PPM1E: variants seen among roughly 807,000 people sequenced by gnomAD.
PPM1E encodes protein phosphatase, Mg2+/Mn2+ dependent 1E, also known as protein phosphatase 1E.
In PPM1E, 20 loss-of-function variants were observed where a neutral mutation model predicts 65.9. The ratio of observed to expected loss-of-function variants is 0.30; its 90% confidence interval spans 0.21 to 0.44. PPM1E has a LOEUF of 0.44. PPM1E is among the 20% of genes least tolerant of loss of function. The pLI, the probability that PPM1E is intolerant of heterozygous loss-of-function variation, is 1.00. For missense variants in PPM1E, 713 were observed against 953.1 expected, an observed-to-expected ratio of 0.75 and a Z score of 3.32; for synonymous variants, 352 against 374.9, an observed-to-expected ratio of 0.94 and a Z score of 0.70.
intron 1 of PPM1E, among the ~76,000 whole-genome samples, chr17:58,924,157 T>C (rs1458882919): frequency 6.6e-6 from 1 of 150,952 alleles, no homozygotes; most frequent in African/African-American, 2.4e-5. Context: ...TGACCTCAAG[T>C]GATCTGCCTG....
At chr17:58,779,223 TG>T (rs1229340356) in intron 1 of PPM1E, among the ~76,000 whole-genome samples, 3 of 149,724 alleles carry the variant, frequency 2.0e-5, no homozygotes, top group African/African-American at 7.4e-5. Flanking sequence ...TTGCCCAAGC[TG>T]GAGTGCAATG....
intron 1 of PPM1E, among the ~76,000 whole-genome samples, chr17:58,782,610 C>G (rs1232848336): frequency 1.3e-5 from 2 of 150,958 alleles, no homozygotes; most frequent in Admixed American, 6.6e-5. Context: ...CGGGGTTTCA[C>G]CAAGTTGATC....
chr17:58,836,851 C>G (rs1220784255), intron 1 of PPM1E, among the ~76,000 whole-genome samples: 1 of 149,108 alleles, frequency 6.7e-6, no homozygotes, highest in East Asian at 2.1e-4. Flanking sequence ...GAAACCCCGT[C>G]TCTACTAAAA....
Position 58,905,668 on chromosome 17 carries a change from G to GT in PPM1E, c.465-49972dup, listed in dbSNP as rs944477827. Among the ~76,000 whole-genome samples the GT allele has an allele frequency of 6.0e-5, 9 of 151,172 alleles. No homozygotes were observed. The South Asian group carries it at 6.3e-4, about 11-fold the overall frequency. On this transcript the variant is annotated intron_variant, in intron 1 of 6. Coordinates refer to ENST00000308249, the MANE Select transcript of PPM1E (RefSeq NM_014906.5). ...TTGTTCCTGAAGATATTGGTCTGTA[G>GT]TTTTTTTTTCTTGTAACATCTTTGT...
chr17:58,758,782 G>C (rs879417924), intron 1 of PPM1E, among the ~76,000 whole-genome samples: 1 of 152,064 alleles, frequency 6.6e-6, no homozygotes, highest in Non-Finnish European at 1.5e-5. Flanking sequence ...TCCTTAACAG[G>C]TTTAAAAACA....
At chr17:58,979,678 T>C (rs1016455100) in intron 6 of PPM1E, among the ~76,000 whole-genome samples, 1 of 152,156 alleles carries the variant, frequency 6.6e-6, no homozygotes, top group African/African-American at 2.4e-5. Flanking sequence ...AGATCTGACA[T>C]TGTTGTTACA....
At chr17:58,888,458 G>A (rs1477979193) in intron 1 of PPM1E, among the ~76,000 whole-genome samples, 4 of 144,106 alleles carry the variant, frequency 2.8e-5, no homozygotes, top group African/African-American at 5.2e-5. Context: ...TCCACCTCCT[G>A]ATTCAAGTGA....
chr17:58,980,225 C>T lies in PPM1E; in HGVS notation c.1462C>T (p.Leu488=). 1 of 1,614,112 alleles carries T rather than the reference C, an allele frequency of 6.2e-7. No homozygotes were observed. The highest frequency in any genetic ancestry group is 1.1e-5 in the South Asian group (1 of 91,074). ...SDNITVIVVF[L]RDMNKAVNVS... ...TAACATCACGGTTATTGTGGTATTC[C>T]TGAGGGACATGAACAAAGCTGTAAA... Residue 488 remains leucine (L), a synonymous_variant, in exon 7 of 7, where the codon CTG becomes TTG. Coordinates refer to ENST00000308249, the MANE Select transcript of PPM1E (RefSeq NM_014906.5). The surrounding 1 kb of genome is among the most constrained non-coding windows in gnomAD (Gnocchi z 4.7).
At chr17:58,864,155 A>T (rs913669780) in intron 1 of PPM1E, among the ~76,000 whole-genome samples, 1 of 151,964 alleles carries the variant, frequency 6.6e-6, no homozygotes, top group African/African-American at 2.4e-5. Flanking sequence ...GTCTCAAAAA[A>T]AAAAAATTCT....
intron 1 of PPM1E, among the ~76,000 whole-genome samples, chr17:58,809,188 G>C (rs1188595429): frequency 6.6e-6 from 1 of 151,988 alleles, no homozygotes; most frequent in Non-Finnish European, 1.5e-5. Context: ...GAATTTCTGG[G>C]CTCAAGCCTG....
chr17:58,837,380 A>G (rs993092689), intron 1 of PPM1E, among the ~76,000 whole-genome samples: 2 of 148,642 alleles, frequency 1.3e-5, no homozygotes, highest in Admixed American at 6.8e-5. Context: ...CATTATCCTT[A>G]ATAGTTACAA....
intron 1 of PPM1E, among the ~76,000 whole-genome samples, chr17:58,794,488 G>A (rs942974814): frequency 6.6e-6 from 1 of 152,118 alleles, no homozygotes; most frequent in African/African-American, 2.4e-5. Context: ...GTGGGGTTTG[G>A]TGTACAGATT....
In PPM1E at chr17:58,984,601, G is replaced by GA. The variant is rs1342136904; in HGVS notation, c.*3574dup. 2 of 152,442 alleles carry GA rather than the reference G, an allele frequency of 1.3e-5. No homozygotes were observed. The highest frequency in any genetic ancestry group is 4.8e-5 in the African/African-American group (2 of 41,396). The allele number at this position is 152,442 out of a possible 1,614,324, so 9.4% of individuals were successfully genotyped here. A position where few individuals can be genotyped will look rare whatever the true frequency, so the allele number is the denominator to read the frequency against. ...AGCAAAAGAAATTTTTTTCACCTTT[G>GA]AAAATCACGTGATGTTAAAGGACAA... is the stretch of plus-strand genomic sequence containing the variant. On this transcript the variant is annotated 3_prime_UTR_variant, in exon 7 of 7. Transcript: ENST00000308249.
At chr17:58,847,140 A>G (rs1289024160) in intron 1 of PPM1E, among the ~76,000 whole-genome samples, 5 of 151,866 alleles carry the variant, frequency 3.3e-5, no homozygotes, top group African/African-American at 1.2e-4. Context: ...TTGTAAATTT[A>G]TTTAAGTTCT....
chr17:58,765,757 C>G (rs996433536), intron 1 of PPM1E, among the ~76,000 whole-genome samples: 2 of 151,936 alleles, frequency 1.3e-5, no homozygotes, highest in South Asian at 4.1e-4. Context: ...TGACTTGATT[C>G]CATAATGATT....
In PPM1E at chr17:58,924,944, A is replaced by G. The variant is rs1264256025; in HGVS notation, c.465-30705A>G. On this transcript the variant is annotated intron_variant, in intron 1 of 6. Coordinates refer to ENST00000308249, the MANE Select transcript of PPM1E (RefSeq NM_014906.5). Reference sequence around the variant, plus strand: ...ATGGTTGCATAGTATTCCATGGTGTATATGTACCACATTTTCTTCATTTAG... The same window carrying G: ...ATGGTTGCATAGTATTCCATGGTGTGTATGTACCACATTTTCTTCATTTAG... 2.6e-5 allele frequency among the ~76,000 whole-genome samples: 4 copies of G among 152,180 alleles called. No homozygotes were observed. The East Asian group carries it at 7.7e-4, about 29-fold the overall frequency.
chr17:58,935,538 A>T (rs972895642), intron 1 of PPM1E, among the ~76,000 whole-genome samples: 1 of 152,312 alleles, frequency 6.6e-6, no homozygotes, highest in African/African-American at 2.4e-5. Flanking sequence ...CACTTATGTG[A>T]TGTTGACAAG....
chr17:58,834,173 G>T (rs1352524802), intron 1 of PPM1E, among the ~76,000 whole-genome samples: 1 of 151,908 alleles, frequency 6.6e-6, no homozygotes, highest in African/African-American at 2.4e-5. Flanking sequence ...TTATTTTTTG[G>T]TGGGGTGTGG....
At chr17:58,807,349 A>G (rs963115488) in intron 1 of PPM1E, among the ~76,000 whole-genome samples, 2 of 152,204 alleles carry the variant, frequency 1.3e-5, no homozygotes, top group African/African-American at 4.8e-5. Flanking sequence ...CATAATACTC[A>G]TTCACTAAAT....
Sources: gnomAD v4.1 joint callset for allele counts (sites outside exome capture counted in the v4.1 genomes callset) on GRCh38, gnomAD v4.1.1 for gene constraint, Gnocchi (gnomAD v3.1) non-coding constraint, MANE v1.5 for transcripts, NCBI Gene and HGNC (gene_info 2026-07-23, HGNC 2026-07-21) for gene names.